CCSER1: variants seen among roughly 807,000 people sequenced by gnomAD.
The protein encoded by CCSER1 is serine-rich coiled-coil domain-containing protein 1.
A neutral mutation model predicts 82.0 loss-of-function variants in CCSER1; 41 were observed. The ratio of observed to expected loss-of-function variants is 0.50; its 90% CI spans 0.39 to 0.65. The LOEUF (loss-of-function observed/expected upper bound fraction) is 0.65, where lower values mean the gene tolerates loss of function less well. Among genes scored for constraint, CCSER1 ranks in the 30% least tolerant of loss-of-function variants. The pLI is 0.00. For missense variants in CCSER1, 1,119 were observed against 1,064.2 expected (o/e 1.05, Z -0.72); for synonymous variants, 414 against 383.9 (o/e 1.08, Z -0.92).
intron 9 of CCSER1, among the ~76,000 whole-genome samples, chr4:90,943,332 G>T (rs1186098260): frequency 1.3e-5 from 2 of 152,066 alleles, no homozygotes; most frequent in Non-Finnish European, 2.9e-5. Context: ...TATATTTCTA[G>T]TACAATTTTT....
At chr4:90,970,459 A>T (rs1038446434) in intron 9 of CCSER1, among the ~76,000 whole-genome samples, 1 of 152,052 alleles carries the variant, frequency 6.6e-6, no homozygotes, top group South Asian at 2.1e-4. Flanking sequence ...TATAAAGCAA[A>T]CATTAACAAA....
intron 9 of CCSER1, among the ~76,000 whole-genome samples, chr4:91,020,461 A>G (rs555950803): frequency 2.0e-4 from 30 of 152,174 alleles, no homozygotes; most frequent in Non-Finnish European, 2.6e-4. Flanking sequence ...AGGAGATTGA[A>G]ACCATCCTGG....
At chr4:90,586,153 T>C (rs1052056015) in intron 5 of CCSER1, among the ~76,000 whole-genome samples, 20 of 152,100 alleles carry the variant, frequency 1.3e-4, no homozygotes, top group African/African-American at 4.8e-4. Context: ...TCCTGTCAGA[T>C]TAGCGCTGGC....
At chr4:90,924,516 A>G (rs796251101) in intron 9 of CCSER1, among the ~76,000 whole-genome samples, 14 of 152,314 alleles carry the variant, frequency 9.2e-5, no homozygotes, top group African/African-American at 2.4e-4. Context: ...ATTTTAAGGT[A>G]TATTTACTCT....
chr4:91,077,996 G>C (rs1278638090), intron 9 of CCSER1, among the ~76,000 whole-genome samples: 1 of 152,214 alleles, frequency 6.6e-6, no homozygotes, highest in Non-Finnish European at 1.5e-5. Context: ...GCCTGCCTCT[G>C]TAGACTCCAC....
chr4:90,453,108 C>T (rs569215828), intron 4 of CCSER1, among the ~76,000 whole-genome samples: 2 of 152,170 alleles, frequency 1.3e-5, no homozygotes, highest in Non-Finnish European at 2.9e-5. Context: ...CAGGTGGGGG[C>T]TGTCTCAGAA....
At chr4:90,227,873 G>A (rs111989079) in intron 1 of CCSER1, among the ~76,000 whole-genome samples, 6,943 of 152,250 alleles carry the variant, frequency 0.046, 387 homozygotes, top group East Asian at 0.25. Context: ...ATGGCACCTG[G>A]AAAATCGGGT....
chr4:90,444,646 A>G (rs988132237), intron 4 of CCSER1, among the ~76,000 whole-genome samples: 2 of 152,034 alleles, frequency 1.3e-5, no homozygotes, highest in African/African-American at 4.8e-5. Context: ...TATTAAGGAC[A>G]TTTGCTGATA....
At chr4:90,575,280 G>A (rs1010384110) in intron 5 of CCSER1, among the ~76,000 whole-genome samples, 1 of 152,172 alleles carries the variant, frequency 6.6e-6, no homozygotes, top group Non-Finnish European at 1.5e-5. Context: ...GACCTGGTAG[G>A]GGCTTTGATT....
intron 3 of CCSER1, among the ~76,000 whole-genome samples, chr4:90,345,840 A>G (rs1226252386): frequency 6.6e-6 from 1 of 152,006 alleles, no homozygotes; most frequent in African/African-American, 2.4e-5. Context: ...ATCTTATGTA[A>G]TCTCACTGTT....
chr4:90,848,464 A>G (rs17248648), intron 8 of CCSER1, among the ~76,000 whole-genome samples: 11,356 of 152,290 alleles, frequency 0.075, 514 homozygotes, highest in Admixed American at 0.13. Context: ...GACATAGTGA[A>G]TGAAGTCTTT....
chr4:91,594,344 TACATATATATACAC>T (rs1297800695), intron 10 of CCSER1, among the ~76,000 whole-genome samples: 1 of 146,898 alleles, frequency 6.8e-6, no homozygotes, highest in Non-Finnish European at 1.5e-5. Flanking sequence ...CACATATATA[TACATATATATACAC>T]ATATATATAC....
intron 10 of CCSER1, among the ~76,000 whole-genome samples, chr4:91,547,485 C>T (rs1217017393): frequency 2.6e-5 from 4 of 152,152 alleles, no homozygotes. Context: ...GTATCTGAAA[C>T]TACAGCCAAC....
intron 7 of CCSER1, among the ~76,000 whole-genome samples, chr4:90,813,197 G>T (rs1758571438): frequency 6.6e-6 from 1 of 152,244 alleles, no homozygotes; most frequent in Non-Finnish European, 1.5e-5. Flanking sequence ...TACAGGCAAT[G>T]GGTAAATGTT....
intron 1 of CCSER1, among the ~76,000 whole-genome samples, chr4:90,259,049 T>G (rs1006877570): frequency 6.6e-5 from 10 of 152,284 alleles, no homozygotes; most frequent in Admixed American, 5.9e-4. Context: ...GGAATAGCAT[T>G]GAATCTGCAG....
intron 1 of CCSER1, among the ~76,000 whole-genome samples, chr4:90,237,054 G>C (rs185116979): frequency 1.0e-3 from 152 of 152,278 alleles, no homozygotes; most frequent in Non-Finnish European, 1.7e-3. Flanking sequence ...CTACATGCCA[G>C]AGTATATTGT....
chr4:90,665,693 C>A (rs953345878), intron 6 of CCSER1, among the ~76,000 whole-genome samples: 1 of 152,130 alleles, frequency 6.6e-6, no homozygotes, highest in East Asian at 1.9e-4. Flanking sequence ...GGCACTGAGG[C>A]AAGAGTTTAC....
intron 10 of CCSER1, among the ~76,000 whole-genome samples, chr4:91,497,315 G>C (rs1171308918): frequency 6.6e-6 from 1 of 151,620 alleles, no homozygotes; most frequent in Non-Finnish European, 1.5e-5. Context: ...CTGATCACAA[G>C]TCTTAGTACA....
intron 3 of CCSER1, among the ~76,000 whole-genome samples, chr4:90,344,935 A>C (rs1004294811): frequency 6.6e-6 from 1 of 152,138 alleles, no homozygotes; most frequent in Non-Finnish European, 1.5e-5. Context: ...TATTGAATGC[A>C]TATAAATTCA....
Sources: allele counts gnomAD v4.1 joint callset (sites outside exome capture counted in the v4.1 genomes callset), GRCh38; gene constraint gnomAD v4.1.1; transcripts MANE v1.5; gene names NCBI Gene and HGNC (gene_info 2026-07-23, HGNC 2026-07-21).